Variants in SLCO5A1 observed in about 807,000 individuals in gnomAD.
SLCO5A1 encodes the protein solute carrier organic anion transporter family member 5A1.
A neutral mutation model predicts 65.1 loss-of-function variants in SLCO5A1; 39 were observed. The observed-to-expected ratio is 0.60, with a 90% CI of 0.46 to 0.78. The LOEUF is 0.78. Ranked by LOEUF, SLCO5A1 falls within the 30% of genes least tolerant of loss-of-function variation. The pLI, the probability that SLCO5A1 is intolerant of heterozygous loss-of-function variation, is 0.00. For missense variants in SLCO5A1, 1,029 were observed against 1,069.4 expected (o/e 0.96, Z 0.53); for synonymous variants, 438 against 415.7 (o/e 1.05, Z -0.65).
Position 69,670,376 on chromosome 8 carries a change from T to A in SLCO5A1, c.*2493A>T, listed in dbSNP as rs1813295719. On this transcript the variant is annotated 3_prime_UTR_variant, in exon 10 of 10. Transcript: ENST00000260126. ...AGTTGGCTATGTAATATTCCAGTGATGCTACCATAGCCCCAAGTATTTTGT... is the reference window on the plus strand; with the variant it reads ...AGTTGGCTATGTAATATTCCAGTGAAGCTACCATAGCCCCAAGTATTTTGT... The A allele has an allele frequency of 6.6e-6, 1 of 152,246 alleles. No individual in the cohort carries two copies. The highest frequency in any genetic ancestry group is 6.5e-5 in the Admixed American group (1 of 15,276). The allele number at this position is 152,246 out of a possible 1,614,324, so 9.4% of individuals were successfully genotyped here. A position where few individuals can be genotyped will look rare whatever the true frequency, so the allele number is the denominator to read the frequency against.
chr8:69,823,675 T>C (rs1363371967), intron 2 of SLCO5A1, among the ~76,000 whole-genome samples: 2 of 152,058 alleles, frequency 1.3e-5, no homozygotes, highest in African/African-American at 2.4e-5. Context: ...ACAATAATAA[T>C]GGGAGACTTT....
In SLCO5A1 at chr8:69,832,724, C is replaced by T. The variant is rs750811100; in HGVS notation, c.-51G>A. ...CTGATGGCACCCAAGCACTCCGGCA[C>T]GTTTCATCCACCGGCACGAGGGGCC... On this transcript the variant is annotated 5_prime_UTR_variant, in exon 2 of 10. It adds an upstream start codon to the 5' untranslated region. Coordinates refer to ENST00000260126, the MANE Select transcript of SLCO5A1 (RefSeq NM_030958.3). The surrounding 1 kb of genome is among the most constrained non-coding windows in gnomAD (Gnocchi z 4.5). 12 of 1,531,962 alleles carry T rather than the reference C, an allele frequency of 7.8e-6. No individual in the cohort carries two copies. Among genetic ancestry groups the T allele is most frequent in the Non-Finnish European group, 4.4e-6 (5 of 1,147,024 alleles). 94.9% of individuals were successfully genotyped at this position (1,531,962 alleles called of 1,614,324 possible).
At chr8:69,693,498 G>A (rs1814363700) in intron 6 of SLCO5A1, among the ~76,000 whole-genome samples, 1 of 152,114 alleles carries the variant, frequency 6.6e-6, no homozygotes, top group South Asian at 2.1e-4. Context: ...GGCTTATATA[G>A]CATGCTTTCT....
At chr8:69,727,956 T>C (rs1397460151) in intron 5 of SLCO5A1, among the ~76,000 whole-genome samples, 2 of 152,156 alleles carry the variant, frequency 1.3e-5, no homozygotes, top group African/African-American at 4.8e-5. Context: ...AAGGAACAAG[T>C]ATAATGTATT....
rs1017616532 is a variant in SLCO5A1 at position 69,831,994 on chromosome 8, A to G, written c.680T>C (p.Leu227Ser). 1.9e-6 allele frequency: 3 copies of G among 1,596,390 alleles called. No individual in the cohort carries two copies. The highest frequency in any genetic ancestry group is 1.7e-4 in the Middle Eastern group (1 of 5,934). Reference sequence around the variant, plus strand: ...GCCGTCGTTGGGGGCCGAGGCGTTCAACTCTTGGATCTGGTAGGGGGGCGA... The same window carrying G: ...GCCGTCGTTGGGGGCCGAGGCGTTCGACTCTTGGATCTGGTAGGGGGGCGA... ...FISPPYQIQE[L>S]NASAPNDGLC... The change falls in exon 2 of 10, where the codon TTG becomes TCG. Residue 227 changes from leucine (L) to serine (S), a missense_variant. Transcript: ENST00000260126.
chr8:69,700,118 A>C (rs1814663848), intron 6 of SLCO5A1: 1 of 152,268 alleles, frequency 6.6e-6, no homozygotes, highest in South Asian at 2.1e-4. Flanking sequence ...ATGACAGCCA[A>C]AATAAAGAAT....
intron 4 of SLCO5A1, among the ~76,000 whole-genome samples, chr8:69,740,857 A>T (rs986460229): frequency 2.6e-5 from 4 of 152,222 alleles, no homozygotes; most frequent in African/African-American, 9.6e-5. Context: ...CTAAACCAGT[A>T]AGCAAAAATC....
intron 4 of SLCO5A1, among the ~76,000 whole-genome samples, chr8:69,741,921 C>T (rs772234366): frequency 1.3e-5 from 2 of 152,148 alleles, no homozygotes; most frequent in Non-Finnish European, 2.9e-5. Flanking sequence ...GCATGTGATC[C>T]TGGATTGAAT....
rs1459234245 is a variant in SLCO5A1 at position 69,725,462 on chromosome 8, T to TGTATGTATGTATGTAC, written c.1423+12577_1423+12578insGTACATACATACATAC. Among the ~76,000 whole-genome samples the TGTATGTATGTATGTAC allele has an allele frequency of 2.8e-3, 177 of 64,070 alleles. 2 individuals carry two copies. The highest frequency in any genetic ancestry group is 7.6e-3 in the African/African-American group (164 of 21,700). The allele number at this position is 64,070 out of a possible 152,430, so 42.0% of individuals were successfully genotyped here. A position where few individuals can be genotyped will look rare whatever the true frequency, so the allele number is the denominator to read the frequency against. ...TACCAAGGGAGAAAAAGAATAAAGA[T>TGTATGTATGTATGTAC]GTATGTATGTATGTATGTATGTATG... On this transcript the variant is annotated intron_variant, in intron 5 of 9. Coordinates refer to ENST00000260126, the MANE Select transcript of SLCO5A1 (RefSeq NM_030958.3).
chr8:69,672,780 A>G lies in SLCO5A1; in HGVS notation c.*89T>C, dbSNP rs1010271901. 38 of 1,408,538 alleles carry G rather than the reference A, an allele frequency of 2.7e-5. No individual in the cohort carries two copies. Among genetic ancestry groups the G allele is most frequent in the Non-Finnish European group, 3.3e-5 (35 of 1,055,106 alleles). 87.3% of individuals were successfully genotyped at this position (1,408,538 alleles called of 1,614,324 possible). The stretch of plus-strand genomic sequence containing the variant: ...AGGATTGTGTCTGTAGAGGTTAAAA[A>G]AAAGAAAGAAAGAAAAGAAGGCACA... On this transcript the variant is annotated 3_prime_UTR_variant, in exon 10 of 10. Coordinates refer to ENST00000260126, the MANE Select transcript of SLCO5A1 (RefSeq NM_030958.3).
intron 6 of SLCO5A1, among the ~76,000 whole-genome samples, chr8:69,696,219 G>A (rs893158208): frequency 9.9e-5 from 15 of 152,188 alleles, no homozygotes; most frequent in African/African-American, 1.2e-4. Context: ...TGTGCTTTCC[G>A]TTCCCTTCTG....
chr8:69,706,286 C>T (rs1339474239), intron 5 of SLCO5A1, among the ~76,000 whole-genome samples: 1 of 152,112 alleles, frequency 6.6e-6, no homozygotes, highest in Non-Finnish European at 1.5e-5. Context: ...ATGAAGAAAA[C>T]CCAGGAGTAA....
rs112871766 is a variant in SLCO5A1 at position 69,726,546 on chromosome 8, C to T, written c.1423+11494G>A. ...ACAGAGTCTCACTCTGTTGCCCAGG[C>T]TGGAGTGCAGTGGTGCGATCTCGGC... On this transcript the variant is annotated intron_variant, in intron 5 of 9. Coordinates refer to ENST00000260126, the MANE Select transcript of SLCO5A1 (RefSeq NM_030958.3). Among the ~76,000 whole-genome samples the T allele has an allele frequency of 5.6e-3, 824 of 146,378 alleles. 9 individuals carry two copies. Among genetic ancestry groups the T allele is most frequent in the African/African-American group, 0.02 (761 of 38,782 alleles).
chr8:69,827,559 G>C (rs1820975820), intron 2 of SLCO5A1, among the ~76,000 whole-genome samples: 1 of 152,094 alleles, frequency 6.6e-6, no homozygotes. Context: ...TTTTTACGTT[G>C]CTGCAGATAT....
At chr8:69,681,483 C>G (rs1318261829) in intron 7 of SLCO5A1, among the ~76,000 whole-genome samples, 1 of 152,148 alleles carries the variant, frequency 6.6e-6, no homozygotes, top group Non-Finnish European at 1.5e-5. Context: ...ATCCCAACTA[C>G]TAGGGAGGCT....
intron 2 of SLCO5A1, among the ~76,000 whole-genome samples, chr8:69,765,048 T>C (rs1817991484): frequency 6.6e-6 from 1 of 152,162 alleles, no homozygotes; most frequent in African/African-American, 2.4e-5. Context: ...TTTTAAAATT[T>C]GGAAAAGTAA....
At chr8:69,694,937 AT>A (rs1814434319) in intron 6 of SLCO5A1, among the ~76,000 whole-genome samples, 1 of 152,178 alleles carries the variant, frequency 6.6e-6, no homozygotes, top group Non-Finnish European at 1.5e-5. Context: ...AAAGATGTAA[AT>A]TTCCGTCGAG....
At chr8:69,734,287 C>T (rs1242426711) in intron 5 of SLCO5A1, among the ~76,000 whole-genome samples, 2 of 152,154 alleles carry the variant, frequency 1.3e-5, no homozygotes, top group Non-Finnish European at 2.9e-5. Flanking sequence ...GCTTTATCCA[C>T]CCCTGCTGCT....
At chr8:69,754,398 G>A (rs966927350) in intron 4 of SLCO5A1, among the ~76,000 whole-genome samples, 6 of 152,132 alleles carry the variant, frequency 3.9e-5, no homozygotes, top group Non-Finnish European at 5.9e-5. Context: ...AGGCCATAGC[G>A]ACATGTCTGT....
Sources: gnomAD v4.1 joint callset for allele counts (sites outside exome capture counted in the v4.1 genomes callset) on GRCh38, gnomAD v4.1.1 for gene constraint, Gnocchi (gnomAD v3.1) non-coding constraint, MANE v1.5 for transcripts, NCBI Gene and HGNC (gene_info 2026-07-23, HGNC 2026-07-21) for gene names.